Variants in ARSG observed in about 807,000 individuals in gnomAD.
ARSG encodes arylsulfatase G.
A neutral mutation model predicts 50.5 loss-of-function variants in ARSG; 37 were observed. The observed-to-expected ratio is 0.73, with a 90% CI of 0.56 to 0.96. ARSG has a LOEUF of 0.96. Among genes scored for constraint, ARSG ranks in the 50% least tolerant of loss-of-function variants. The pLI is 0.00. For synonymous variants in ARSG, 225 were observed against 254.6 expected (o/e 0.88, Z 1.11); for missense variants, 629 against 675.3 (o/e 0.93, Z 0.76).
the ARSG span, among the ~76,000 whole-genome samples, chr17:68,431,913 T>C: frequency 6.6e-6 from 1 of 152,142 alleles, no homozygotes; most frequent in African/African-American, 2.4e-5. Context: ...GCAATTGCGA[T>C]CACTCACTCG....
chr17:68,361,679 C>T (rs1265582339), intron 6 of ARSG, among the ~76,000 whole-genome samples: 1 of 152,042 alleles, frequency 6.6e-6, no homozygotes, highest in African/African-American at 2.4e-5. Context: ...TTTGGGAGGC[C>T]GAGGTGGGTA....
chr17:68,331,491 G>T (rs188128937), intron 2 of ARSG, among the ~76,000 whole-genome samples: 2 of 152,012 alleles, frequency 1.3e-5, no homozygotes, highest in Non-Finnish European at 2.9e-5. Context: ...TGATCTGCCC[G>T]CCTTGGCCTC....
chr17:68,408,466 A>G (rs998492032), intron 11 of ARSG, among the ~76,000 whole-genome samples: 85 of 151,922 alleles, frequency 5.6e-4, no homozygotes, highest in Middle Eastern at 3.4e-3. Flanking sequence ...ATCATTTTTT[A>G]TGGCTGCATA....
the ARSG span, among the ~76,000 whole-genome samples, chr17:68,430,957 C>T: frequency 1.3e-5 from 2 of 152,116 alleles, no homozygotes; most frequent in Non-Finnish European, 2.9e-5. Context: ...TACCAATGGG[C>T]TAGGGGGTCT....
intron 5 of ARSG, among the ~76,000 whole-genome samples, chr17:68,352,045 GCAGAGGAGAGAGA>G (rs1361017542): frequency 6.6e-6 from 1 of 150,904 alleles, no homozygotes; most frequent in Non-Finnish European, 1.5e-5. Context: ...GAGGGAGAGA[GCAGAGGAGAGAGA>G]CAGAGGAGAG....
chr17:68,386,435 G>A (rs139869472), intron 9 of ARSG, among the ~76,000 whole-genome samples: 159 of 152,296 alleles, frequency 1.0e-3, no homozygotes, highest in African/African-American at 3.7e-3. Flanking sequence ...GGGGAGGAGG[G>A]GAGAGACTCA....
At chr17:68,335,785 A>G (rs2077991038) in intron 2 of ARSG, among the ~76,000 whole-genome samples, 1 of 152,212 alleles carries the variant, frequency 6.6e-6, no homozygotes, top group South Asian at 2.1e-4. Flanking sequence ...AGTGGGGAGA[A>G]CAGCGTGTGC....
intron 4 of ARSG, 126 bp downstream of exon 4, chr17:68,347,298 G>A (rs750477546): frequency 4.9e-5 from 54 of 1,098,902 alleles, no homozygotes; most frequent in Non-Finnish European, 7.0e-5. Context: ...CTTTGTTCAC[G>A]AGGTCATTTG....
chr17:68,411,482 T>G (rs961705093), intron 11 of ARSG, among the ~76,000 whole-genome samples: 6 of 152,332 alleles, frequency 3.9e-5, no homozygotes, highest in African/African-American at 1.4e-4. Flanking sequence ...CACTGTGGTC[T>G]GAGAGATAGT....
Position 68,402,997 on chromosome 17 carries a change from C to A in ARSG, c.1303+1547C>A, listed in dbSNP as rs181180676. Among the ~76,000 whole-genome samples, 515 of 152,208 alleles carry A rather than the reference C, an allele frequency of 3.4e-3. 1 individual carries two copies. Among genetic ancestry groups the A allele is most frequent in the Middle Eastern group, 6.8e-3 (2 of 294 alleles). On this transcript the variant is annotated intron_variant, in intron 11 of 11. Transcript: ENST00000621439. The stretch of plus-strand genomic sequence containing the variant: ...ACCTAATGCAGATTCCAACTTGATT[C>A]AGTTATTTAATGTTGGAGCTTTTCA...
chr17:68,444,644 C>T, the ARSG span: 6 of 1,404,422 alleles, frequency 4.3e-6, no homozygotes, highest in Non-Finnish European at 5.9e-6. Flanking sequence ...AAGACCCTGA[C>T]CAAATCCAAA....
rs566503383 is a variant in ARSG, at chr17:68,322,267, A to T, written c.218+14556A>T. 4.6e-5 allele frequency among the ~76,000 whole-genome samples: 7 copies of T among 152,238 alleles called. No homozygotes were observed. In the South Asian group the frequency reaches 1.5e-3, roughly 32 times the overall value. On this transcript the variant is annotated intron_variant, in intron 2 of 11. Coordinates refer to ENST00000621439, the MANE Select transcript of ARSG (RefSeq NM_001267727.2). Reference sequence around the variant, plus strand: ...TGCTGTGCTTGGGGCTGGAGTTGCAACTCTAAGCCCCATCTCATGAAACCT... The same window carrying T: ...TGCTGTGCTTGGGGCTGGAGTTGCATCTCTAAGCCCCATCTCATGAAACCT...
intron 11 of ARSG, among the ~76,000 whole-genome samples, chr17:68,417,816 C>T (rs1412920958): frequency 3.1e-5 from 4 of 127,668 alleles, no homozygotes; most frequent in Admixed American, 1.0e-4. Context: ...GGCACGATCT[C>T]GGCTCCCAGG....
At chr17:68,270,051 A>G (rs1417522786) in intron 1 of ARSG, among the ~76,000 whole-genome samples, 1 of 152,200 alleles carries the variant, frequency 6.6e-6, no homozygotes, top group Non-Finnish European at 1.5e-5. Context: ...CTAAGATATG[A>G]AACATACCTA....
In ARSG at chr17:68,420,648, C is replaced by G; in HGVS notation, c.*185C>G. ...CCACGCCGACCCGAGAGCAGCTGAG[C>G]TGCGCTGGCTCTGGGCAGGGAGTGT... On this transcript the variant is annotated 3_prime_UTR_variant, in exon 12 of 12. Transcript: ENST00000621439. The G allele has an allele frequency of 1.4e-6, 1 of 702,948 alleles. No homozygotes were observed. The highest frequency in any genetic ancestry group is 1.9e-5 in the South Asian group (1 of 53,270). The allele number at this position is 702,948 out of a possible 1,614,324, so 43.5% of individuals were successfully genotyped here. A position where few individuals can be genotyped will look rare whatever the true frequency, so the allele number is the denominator to read the frequency against.
chr17:68,448,022 G>C, the ARSG span, among the ~76,000 whole-genome samples: 2 of 150,386 alleles, frequency 1.3e-5, no homozygotes, highest in African/African-American at 4.9e-5. Context: ...AAGGGATTTT[G>C]GATCCTTATA....
the ARSG span, among the ~76,000 whole-genome samples, chr17:68,448,782 C>T: frequency 6.6e-6 from 1 of 152,134 alleles, no homozygotes; most frequent in Non-Finnish European, 1.5e-5. Context: ...AGTTTAGCAG[C>T]GAAACTTAAT....
At chr17:68,416,668 A>G (rs1289278026) in intron 11 of ARSG, among the ~76,000 whole-genome samples, 2 of 152,064 alleles carry the variant, frequency 1.3e-5, no homozygotes, top group African/African-American at 4.8e-5. Context: ...ATATTTTCTT[A>G]TTCTTTTTCC....
chr17:68,443,976 G>A, the ARSG span, among the ~76,000 whole-genome samples: 224 of 152,274 alleles, frequency 1.5e-3, 1 homozygote, highest in African/African-American at 5.2e-3. Context: ...ATTAAATAGT[G>A]TTAAATCCCG....
Sources: gnomAD v4.1 joint callset for allele counts (sites outside exome capture counted in the v4.1 genomes callset) on GRCh38, gnomAD v4.1.1 for gene constraint, MANE v1.5 for transcripts, NCBI Gene and HGNC (gene_info 2026-07-23, HGNC 2026-07-21) for gene names.